SFMBT2: variants seen among roughly 807,000 people sequenced by gnomAD.
SFMBT2 encodes the protein scm-like with four MBT domains protein 2.
A neutral mutation model predicts 110.1 loss-of-function variants in SFMBT2; 38 were observed. The ratio of observed to expected loss-of-function variants is 0.35; its 90% CI spans 0.27 to 0.45. The LOEUF is 0.45. SFMBT2 is among the 20% of genes least tolerant of loss of function. The pLI, the probability that SFMBT2 is intolerant of heterozygous loss-of-function variation, is 1.00. For missense variants in SFMBT2, 1,011 were observed against 1,094.9 expected (o/e 0.92, Z 1.08); for synonymous variants, 425 against 425.4 (o/e 1.00, Z 0.01).
intron 1 of SFMBT2, among the ~76,000 whole-genome samples, chr10:7,407,480 G>T (rs925799468): frequency 2.0e-5 from 3 of 152,108 alleles, no homozygotes; most frequent in African/African-American, 7.2e-5. Context: ...AATGGCCTCG[G>T]ATCAGCCGCG....
chr10:7,400,027 G>A (rs1367286571), intron 1 of SFMBT2, among the ~76,000 whole-genome samples: 10 of 152,214 alleles, frequency 6.6e-5, no homozygotes, highest in Admixed American at 2.0e-4. Context: ...TTGACAAGCC[G>A]GAGGAATGGG....
chr10:7,211,295 A>G (rs1839339947), intron 11 of SFMBT2, among the ~76,000 whole-genome samples: 1 of 152,102 alleles, frequency 6.6e-6, no homozygotes, highest in East Asian at 1.9e-4. Flanking sequence ...CTACAGGAAA[A>G]GCCAGGTCAA....
Position 7,292,864 on chromosome 10 carries a change from G to A in SFMBT2, c.437-6910C>T, listed in dbSNP as rs970891088. Among the ~76,000 whole-genome samples the A allele has an allele frequency of 1.3e-5, 2 of 151,994 alleles. 1 individual carries two copies. The highest frequency in any genetic ancestry group is 2.9e-5 in the Non-Finnish European group (2 of 67,992). Reference sequence around the variant, plus strand: ...AAAAATTAGCCGGGCATGGTGGCAGGTGCCTGTAGTACCAGCTACTAGGAA... The same window carrying A: ...AAAAATTAGCCGGGCATGGTGGCAGATGCCTGTAGTACCAGCTACTAGGAA... On this transcript the variant is annotated intron_variant, in intron 4 of 20. Coordinates refer to ENST00000397167, the MANE Select transcript of SFMBT2 (RefSeq NM_001387889.1).
At chr10:7,279,092 A>C (rs570452233) in intron 6 of SFMBT2, among the ~76,000 whole-genome samples, 228 of 150,662 alleles carry the variant, frequency 1.5e-3, no homozygotes, top group African/African-American at 5.4e-3. Context: ...AAAAAAAAAA[A>C]CCAAACAAAC....
At chr10:7,370,921 C>T in intron 2 of SFMBT2, 2 of 342,444 alleles carry the variant, frequency 5.8e-6, no homozygotes, top group Non-Finnish European at 8.2e-6. Context: ...ACAAACCGAC[C>T]AGCTGCCTGA....
rs149678782 is a variant in SFMBT2 at position 7,338,625 on chromosome 10, C to T, written c.436+29024G>A. 6.2e-4 allele frequency among the ~76,000 whole-genome samples: 94 copies of T among 152,190 alleles called. No individual in the cohort carries two copies. In the Middle Eastern group the frequency reaches 0.01, roughly 17 times the overall value. ...TACATAGGTGAGGAGGAGTAGGAAGCGGAGTTGGTCTTGCTGTCTCAGGGG... is the reference window on the plus strand; with the variant it reads ...TACATAGGTGAGGAGGAGTAGGAAGTGGAGTTGGTCTTGCTGTCTCAGGGG... On this transcript the variant is annotated intron_variant, in intron 4 of 20. Transcript: ENST00000397167.
At position 7,403,498 on chromosome 10, in the gene SFMBT2, T is replaced by C. The variant is rs576446441; in HGVS notation, c.-52+7363A>G. Among the ~76,000 whole-genome samples the C allele has an allele frequency of 9.9e-5, 15 of 151,776 alleles. No homozygotes were observed. The East Asian group carries it at 2.9e-3, about 29-fold the overall frequency. On this transcript the variant is annotated intron_variant, in intron 1 of 20. Coordinates refer to ENST00000397167, the MANE Select transcript of SFMBT2 (RefSeq NM_001387889.1). Reference sequence around the variant, plus strand: ...TCTCCACTAAAAACAGAAAATTAGCTGGGTGTGGTGGTGTGCGCCTGTAGT... The same window carrying C: ...TCTCCACTAAAAACAGAAAATTAGCCGGGTGTGGTGGTGTGCGCCTGTAGT...
intron 7 of SFMBT2, chr10:7,249,358 T>G (rs1840725280): frequency 3.9e-6 from 1 of 255,864 alleles, no homozygotes; most frequent in Non-Finnish European, 6.1e-6. Context: ...CAAATTTCAA[T>G]ATCCACTTCA....
rs757611089 is a variant in SFMBT2, at chr10:7,243,708, A to G, written c.973-3T>C. ...TGAAAAAAGTGATTGTTAAAAACCT[A>G]AAAGAAAAAAAATGGGGGAGCCAAA... On this transcript the variant is annotated splice_region_variant and splice_polypyrimidine_tract_variant and intron_variant, in intron 8 of 20. Coordinates refer to ENST00000397167, the MANE Select transcript of SFMBT2 (RefSeq NM_001387889.1). 1 of 870,226 alleles carries G rather than the reference A, an allele frequency of 1.1e-6. No individual in the cohort carries two copies. The highest frequency in any genetic ancestry group is 2.0e-6 in the Non-Finnish European group (1 of 501,152). 53.9% of individuals were successfully genotyped at this position (870,226 alleles called of 1,614,324 possible). A position where few individuals can be genotyped will look rare whatever the true frequency, so the allele number is the denominator to read the frequency against.
intron 1 of SFMBT2, among the ~76,000 whole-genome samples, chr10:7,409,785 A>T (rs1846322503): frequency 6.6e-6 from 1 of 151,766 alleles, no homozygotes; most frequent in African/African-American, 2.4e-5. Context: ...CTTTATTTTC[A>T]GTTTTTAAAA....
At chr10:7,396,647 T>C (rs1275526669) in intron 1 of SFMBT2, among the ~76,000 whole-genome samples, 1 of 152,084 alleles carries the variant, frequency 6.6e-6, no homozygotes, top group East Asian at 1.9e-4. Flanking sequence ...TCCACTTTGT[T>C]TTTGTCTTAT....
intron 4 of SFMBT2, among the ~76,000 whole-genome samples, chr10:7,331,433 G>A (rs1241080141): frequency 6.6e-6 from 1 of 152,104 alleles, no homozygotes; most frequent in Non-Finnish European, 1.5e-5. Flanking sequence ...GAATCTAATG[G>A]TCTTTACCTT....
intron 1 of SFMBT2, among the ~76,000 whole-genome samples, chr10:7,384,519 T>A (rs1196144819): frequency 7.9e-6 from 1 of 126,874 alleles, no homozygotes; most frequent in South Asian, 2.2e-4. Context: ...AAAATAACGG[T>A]TTTTTAATAA....
intron 4 of SFMBT2, among the ~76,000 whole-genome samples, chr10:7,349,950 A>G (rs1296319651): frequency 1.3e-5 from 2 of 152,124 alleles, no homozygotes; most frequent in Non-Finnish European, 2.9e-5. Flanking sequence ...ACTCTCAAAG[A>G]GGCAATAAGG....
At chr10:7,343,943 G>A (rs1379847784) in intron 4 of SFMBT2, among the ~76,000 whole-genome samples, 1 of 152,196 alleles carries the variant, frequency 6.6e-6, no homozygotes, top group Non-Finnish European at 1.5e-5. Flanking sequence ...GATGAGATGA[G>A]AAGAGAAAAT....
chr10:7,396,657 T>C (rs1393573478), intron 1 of SFMBT2, among the ~76,000 whole-genome samples: 1 of 152,088 alleles, frequency 6.6e-6, no homozygotes, highest in Non-Finnish European at 1.5e-5. Flanking sequence ...TTTTGTCTTA[T>C]TAGACACAAG....
chr10:7,361,756 T>C (rs1414023328), intron 4 of SFMBT2, among the ~76,000 whole-genome samples: 1 of 152,176 alleles, frequency 6.6e-6, no homozygotes, highest in Non-Finnish European at 1.5e-5. Flanking sequence ...TCCAACACTT[T>C]TATGGCAACA....
In SFMBT2 at chr10:7,318,619, T is replaced by C. The variant is rs187493170; in HGVS notation, c.437-32665A>G. 5.3e-5 allele frequency among the ~76,000 whole-genome samples: 8 copies of C among 152,342 alleles called. No homozygotes were observed. In the East Asian group the frequency reaches 1.5e-3, roughly 29 times the overall value. ...ATGCCTTGAGCCACAATATGACACA[T>C]CAGTCATACTGATAGAAGAATATCC... is the stretch of plus-strand genomic sequence containing the variant. On this transcript the variant is annotated intron_variant, in intron 4 of 20. Transcript: ENST00000397167.
chr10:7,385,923 C>T (rs1206135473), intron 1 of SFMBT2, among the ~76,000 whole-genome samples: 2 of 152,092 alleles, frequency 1.3e-5, no homozygotes, highest in African/African-American at 4.8e-5. Flanking sequence ...TGGCGTGAAC[C>T]CGGGAGGCAG....
Sources: allele counts gnomAD v4.1 joint callset (sites outside exome capture counted in the v4.1 genomes callset), GRCh38; gene constraint gnomAD v4.1.1; transcripts MANE v1.5; gene names NCBI Gene and HGNC (gene_info 2026-07-23, HGNC 2026-07-21).